The following HTR7 variants were observed in gnomAD, a reference collection of about 807,000 sequenced individuals.
HTR7 encodes 5-hydroxytryptamine receptor 7.
Under a neutral mutation model 34.0 loss-of-function variants are expected in HTR7, and 16 were observed. The ratio of observed to expected loss-of-function variants is 0.47; its 90% CI spans 0.32 to 0.71. The LOEUF (loss-of-function observed/expected upper bound fraction) is 0.71. Ranked by LOEUF, HTR7 falls within the 30% of genes least tolerant of loss-of-function variation. The pLI is 0.04. For missense variants in HTR7, 504 were observed against 625.5 expected (o/e 0.81, Z 2.07); for synonymous variants, 265 against 260.2 (o/e 1.02, Z -0.18).
chr10:90,809,594 T>C (rs1490951462), intron 1 of HTR7, among the ~76,000 whole-genome samples: 2 of 152,200 alleles, frequency 1.3e-5, no homozygotes, highest in Non-Finnish European at 2.9e-5. Flanking sequence ...TTGCCTCCAC[T>C]GTGAGACAAA....
At chr10:90,762,626 GT>G (rs1844958288) in intron 1 of HTR7, among the ~76,000 whole-genome samples, 1 of 152,076 alleles carries the variant, frequency 6.6e-6, no homozygotes, top group African/African-American at 2.4e-5. Context: ...TGTGAAGAAG[GT>G]TTTTATTTTA....
chr10:90,813,437 G>A (rs542385957), intron 1 of HTR7, among the ~76,000 whole-genome samples: 137 of 152,014 alleles, frequency 9.0e-4, no homozygotes, highest in Non-Finnish European at 1.5e-3. Flanking sequence ...CCACAGGGTC[G>A]CTTGAACGCG....
At chr10:90,821,178 TTAAG>T (rs1399341487) in intron 1 of HTR7, among the ~76,000 whole-genome samples, 2 of 149,982 alleles carry the variant, frequency 1.3e-5, no homozygotes, top group Admixed American at 1.3e-4. Flanking sequence ...GAACCAAACA[TTAAG>T]TGAGTAATCA....
At chr10:90,796,093 G>A (rs1299444589) in intron 1 of HTR7, among the ~76,000 whole-genome samples, 1 of 152,182 alleles carries the variant, frequency 6.6e-6, no homozygotes, top group East Asian at 1.9e-4. Flanking sequence ...AATTCCAAAA[G>A]GGAGGAAGGT....
intron 1 of HTR7, among the ~76,000 whole-genome samples, chr10:90,766,410 G>T (rs1011054787): frequency 2.0e-5 from 3 of 152,144 alleles, no homozygotes; most frequent in Non-Finnish European, 4.4e-5. Flanking sequence ...TTCAGCCCAT[G>T]TGTCTCCTTA....
chr10:90,820,051 A>T (rs1330666305), intron 1 of HTR7, among the ~76,000 whole-genome samples: 1 of 152,156 alleles, frequency 6.6e-6, no homozygotes, highest in Non-Finnish European at 1.5e-5. Flanking sequence ...AATCTATTTA[A>T]AAAAAGAAAG....
intron 1 of HTR7, among the ~76,000 whole-genome samples, chr10:90,810,035 G>C (rs946399396): frequency 6.6e-6 from 1 of 152,150 alleles, no homozygotes; most frequent in Admixed American, 6.5e-5. Context: ...TCCTTTTCAA[G>C]GGCCTGTTTC....
At chr10:90,796,194 G>T (rs1432195278) in intron 1 of HTR7, among the ~76,000 whole-genome samples, 1 of 152,106 alleles carries the variant, frequency 6.6e-6, no homozygotes, top group South Asian at 2.1e-4. Context: ...AGGAGGGAGG[G>T]TTCCATTCAG....
intron 1 of HTR7, among the ~76,000 whole-genome samples, chr10:90,830,273 C>T (rs979166050): frequency 6.6e-6 from 1 of 152,282 alleles, no homozygotes. Context: ...CTGATGAATA[C>T]TCTGCAATTA....
intron 1 of HTR7, among the ~76,000 whole-genome samples, chr10:90,752,806 T>G (rs901769706): frequency 6.6e-6 from 1 of 152,180 alleles, no homozygotes; most frequent in African/African-American, 2.4e-5. Context: ...GAGGTAAAAG[T>G]ATTACTGGCT....
At chr10:90,782,073 C>A (rs1845313349) in intron 1 of HTR7, among the ~76,000 whole-genome samples, 1 of 152,194 alleles carries the variant, frequency 6.6e-6, no homozygotes, top group Non-Finnish European at 1.5e-5. Flanking sequence ...ATGCATGGGA[C>A]ATCACAAATA....
intron 1 of HTR7, among the ~76,000 whole-genome samples, chr10:90,795,909 G>A (rs117271748): frequency 0.031 from 4,764 of 152,264 alleles, 92 homozygotes; most frequent in Middle Eastern, 0.058. Context: ...TTGGTTGAAA[G>A]GGTTATTATC....
chr10:90,750,357 T>C (rs1485183390), intron 1 of HTR7, among the ~76,000 whole-genome samples: 1 of 152,202 alleles, frequency 6.6e-6, no homozygotes, highest in Non-Finnish European at 1.5e-5. Flanking sequence ...TGCTTAGTTC[T>C]ATAGAGGGAA....
chr10:90,763,106 TTGTC>T (rs1844965969), intron 1 of HTR7, among the ~76,000 whole-genome samples: 1 of 152,198 alleles, frequency 6.6e-6, no homozygotes, highest in South Asian at 2.1e-4. Flanking sequence ...CATGATTGCT[TTGTC>T]TGTCTGGGGT....
chr10:90,846,527 C>T (rs533089819), intron 1 of HTR7, among the ~76,000 whole-genome samples: 1 of 152,310 alleles, frequency 6.6e-6, no homozygotes, highest in East Asian at 1.9e-4. Context: ...GCTACCCTTC[C>T]AGCATACTGC....
chr10:90,850,921 T>G (rs1280755687), intron 1 of HTR7, among the ~76,000 whole-genome samples: 1 of 152,198 alleles, frequency 6.6e-6, no homozygotes, highest in Non-Finnish European at 1.5e-5. Flanking sequence ...ATACATATGT[T>G]TGAAGACATA....
chr10:90,817,261 G>C (rs1157257462), intron 1 of HTR7, among the ~76,000 whole-genome samples: 1 of 152,340 alleles, frequency 6.6e-6, no homozygotes, highest in Non-Finnish European at 1.5e-5. Context: ...GAAATGGGAA[G>C]TTGGACACAC....
chr10:90,768,280 G>A (rs958303935), intron 1 of HTR7, among the ~76,000 whole-genome samples: 8 of 152,136 alleles, frequency 5.3e-5, no homozygotes, highest in African/African-American at 1.4e-4. Context: ...TGGTTCCCTC[G>A]CAACTACTAT....
At chr10:90,747,186 T>G (rs1339556678) in intron 2 of HTR7, among the ~76,000 whole-genome samples, 1 of 152,266 alleles carries the variant, frequency 6.6e-6, no homozygotes, top group Non-Finnish European at 1.5e-5. Flanking sequence ...GGTAGCATGC[T>G]GCATAGCATG....
Sources: allele counts gnomAD v4.1 joint callset (sites outside exome capture counted in the v4.1 genomes callset), GRCh38; gene constraint gnomAD v4.1.1; transcripts MANE v1.5; gene names NCBI Gene and HGNC (gene_info 2026-07-23, HGNC 2026-07-21).